The following WASHC4 variants were observed in gnomAD, a reference collection of about 807,000 sequenced individuals.
WASHC4 encodes the protein WASH complex subunit 7.
Under a neutral mutation model 166.6 loss-of-function variants are expected in WASHC4, and 86 were observed. That is an observed-to-expected ratio of 0.52 (90% CI 0.43 to 0.62). The LOEUF (loss-of-function observed/expected upper bound fraction) is 0.62, where lower values mean the gene tolerates loss of function less well. WASHC4 is among the 20% of genes least tolerant of loss of function. WASHC4 has a pLI of 0.00. For missense variants in WASHC4, 1,262 were observed against 1,382.4 expected (o/e 0.91, Z 1.38); for synonymous variants, 446 against 451.6 (o/e 0.99, Z 0.16).
In WASHC4 at chr12:105,126,123, ACTTGGT is replaced by A; in HGVS notation, c.907_910+2del. On this transcript the variant is annotated splice_donor_variant and coding_sequence_variant, in exon 11 of 33. Transcript: ENST00000332180. LOFTEE classifies it high-confidence loss of function. ...CAATTTTTGCAAATGTAGAAGCCAAACTTGGTAATGTAAATCGCATTTTTTGGTTTT... is the reference window on the plus strand; with the variant it reads ...CAATTTTTGCAAATGTAGAAGCCAAAAATGTAAATCGCATTTTTTGGTTTT... 6.2e-6 allele frequency: 10 copies of A among 1,613,010 alleles called. No individual in the cohort carries two copies. The highest frequency in any genetic ancestry group is 8.5e-6 in the Non-Finnish European group (10 of 1,179,344).
chr12:105,136,666 T>C (rs187799169), intron 14 of WASHC4, among the ~76,000 whole-genome samples: 13 of 152,258 alleles, frequency 8.5e-5, no homozygotes, highest in African/African-American at 2.9e-4. Flanking sequence ...CTGTTCCTTG[T>C]TTGTGCTTTT....
chr12:105,154,262 C>G (rs1396181506), intron 26 of WASHC4, among the ~76,000 whole-genome samples: 1 of 152,126 alleles, frequency 6.6e-6, no homozygotes, highest in East Asian at 1.9e-4. Flanking sequence ...ATCTCCTGAC[C>G]TCGTGATCCA....
At chr12:105,149,103 TGG>T (rs1420697974) in intron 24 of WASHC4, 43 of 985,228 alleles carry the variant, frequency 4.4e-5, no homozygotes, top group Non-Finnish European at 5.2e-5. Flanking sequence ...ATGTCTAGCA[TGG>T]GAGAAGGCAC....
intron 24 of WASHC4, chr12:105,149,155 A>G (rs930627982): frequency 2.0e-6 from 2 of 985,398 alleles, no homozygotes; most frequent in Non-Finnish European, 2.4e-6. Context: ...ATATTTATGG[A>G]TAGATAATTG....
chr12:105,109,649 CTTTTTTTTTT>C (rs36080234), intron 1 of WASHC4, among the ~76,000 whole-genome samples: 1 of 97,624 alleles, frequency 1.0e-5, no homozygotes, highest in African/African-American at 4.0e-5. Context: ...CTAGCATTGT[CTTTTTTTTTT>C]TTTTTTTTTT....
chr12:105,157,189 A>G (rs766305038), intron 27 of WASHC4, 47 bp from the exon 28 acceptor site: 3 of 937,530 alleles, frequency 3.2e-6, no homozygotes, highest in Non-Finnish European at 5.3e-6. Context: ...TGTCAATTGC[A>G]CATATTTTAC....
chr12:105,157,437 C>T, intron 28 of WASHC4, 115 bp downstream of exon 28: 2 of 640,792 alleles, frequency 3.1e-6, no homozygotes, highest in South Asian at 1.7e-5. Flanking sequence ...AAATTATGGC[C>T]TCAGTTTATG....
In WASHC4 at chr12:105,114,423, A is replaced by T. The variant is rs2135724097; in HGVS notation, c.317A>T (p.Tyr106Phe). The change falls in exon 4 of 33, where the codon TAT becomes TTT. Residue 106 changes from tyrosine (Y) to phenylalanine (F), a missense_variant. Tyr to Phe is a conservative substitution (Grantham distance 22). Coordinates refer to ENST00000332180, the MANE Select transcript of WASHC4 (RefSeq NM_015275.3). ...ALCCEIKKLKYEAETKFYNGL... is the reference protein window; with the variant it reads ...ALCCEIKKLKFEAETKFYNGL... Reference sequence around the variant, plus strand: ...TGTTGTGAAATCAAGAAATTAAAATATGAGGTAATTATTTGAATTCTTGTC... The same window carrying T: ...TGTTGTGAAATCAAGAAATTAAAATTTGAGGTAATTATTTGAATTCTTGTC... 6.4e-7 allele frequency: 1 copy of T among 1,574,386 alleles called. No individual in the cohort carries two copies. Among genetic ancestry groups the T allele is most frequent in the African/African-American group, 1.4e-5 (1 of 73,862 alleles).
At chr12:105,161,207 T>C (rs564762414) in intron 29 of WASHC4, among the ~76,000 whole-genome samples, 51 of 152,338 alleles carry the variant, frequency 3.3e-4, no homozygotes, top group African/African-American at 1.2e-3. Context: ...CACATCTTCT[T>C]ACATATTAAA....
chr12:105,164,774 A>G, intron 32 of WASHC4, 34 bp downstream of exon 32: 1 of 1,431,252 alleles, frequency 7.0e-7, no homozygotes, highest in South Asian at 1.2e-5. Flanking sequence ...AAAGACCAAT[A>G]AATGTCTTTA....
intron 26 of WASHC4, among the ~76,000 whole-genome samples, chr12:105,153,933 C>T (rs1271196895): frequency 6.6e-6 from 1 of 152,086 alleles, no homozygotes; most frequent in Admixed American, 6.5e-5. Flanking sequence ...CTAATGTCAC[C>T]TTGCTTACCA....
intron 26 of WASHC4, among the ~76,000 whole-genome samples, chr12:105,153,806 A>AT (rs1291195822): frequency 2.6e-5 from 4 of 151,538 alleles, no homozygotes; most frequent in Admixed American, 6.6e-5. Flanking sequence ...ACATGTTTTT[A>AT]TTTTTTTTGA....
chr12:105,139,556 A>G (rs983121648), intron 15 of WASHC4, among the ~76,000 whole-genome samples: 2 of 150,706 alleles, frequency 1.3e-5, no homozygotes, highest in Admixed American at 6.6e-5. Flanking sequence ...AAAATAAATT[A>G]GTGGGTATAA....
chr12:105,117,600 T>C (rs1437298314), intron 6 of WASHC4, among the ~76,000 whole-genome samples: 2 of 152,204 alleles, frequency 1.3e-5, no homozygotes, highest in Non-Finnish European at 2.9e-5. Flanking sequence ...TTACATCATA[T>C]TTAGATCTCA....
At chr12:105,149,774 T>G in intron 25 of WASHC4, 25 bp downstream of exon 25, 4 of 1,582,610 alleles carry the variant, frequency 2.5e-6, no homozygotes, top group Non-Finnish European at 3.5e-6. Flanking sequence ...CTTTTTAAGG[T>G]ATTTGATTAA....
chr12:105,128,784 TG>T (rs112881032), intron 13 of WASHC4, among the ~76,000 whole-genome samples: 2,240 of 141,114 alleles, frequency 0.016, 20 homozygotes, highest in African/African-American at 0.02. Context: ...TTTTTTTTTT[TG>T]ATTTTTTTTT....
At chr12:105,139,466 A>G (rs1325295333) in intron 15 of WASHC4, among the ~76,000 whole-genome samples, 1 of 77,348 alleles carries the variant, frequency 1.3e-5, no homozygotes, top group African/African-American at 4.5e-5. Flanking sequence ...TATGCCTCCC[A>G]CAATACATTA....
At chr12:105,120,453 A>G (rs1483400952) in intron 7 of WASHC4, 102 bp from the exon 8 acceptor site, 8 of 720,822 alleles carry the variant, frequency 1.1e-5, no homozygotes, top group South Asian at 1.1e-4. Flanking sequence ...ATAAAGATAA[A>G]TATTAAAATT....
intron 25 of WASHC4, among the ~76,000 whole-genome samples, chr12:105,150,776 G>T (rs572268690): frequency 7.2e-5 from 11 of 152,282 alleles, no homozygotes; most frequent in African/African-American, 2.6e-4. Flanking sequence ...TCACAGTTCT[G>T]CATGGCTGGG....
Sources: allele counts gnomAD v4.1 joint callset (sites outside exome capture counted in the v4.1 genomes callset), GRCh38; gene constraint gnomAD v4.1.1; transcripts MANE v1.5; gene names NCBI Gene and HGNC (gene_info 2026-07-23, HGNC 2026-07-21).